TENM3: variants seen among roughly 807,000 people sequenced by gnomAD.
TENM3 encodes the protein teneurin-3.
TENM3 carries 63 observed loss-of-function variants against 255.1 expected under a neutral mutation model. The observed-to-expected ratio is 0.25, with a 90% CI of 0.20 to 0.30. The LOEUF is 0.30. TENM3 is among the 10% of genes least tolerant of loss of function. The probability of loss-of-function intolerance (pLI) is 1.00; values close to 1 mark genes in which losing one functional copy is unlikely to be tolerated. For synonymous variants in TENM3, 1,306 were observed against 1,322.3 expected (o/e 0.99, Z 0.27); for missense variants, 2,929 against 3,461.1 (o/e 0.85, Z 3.86).
chr4:181,631,482 G>A, the TENM3 span, among the ~76,000 whole-genome samples: 1 of 152,024 alleles, frequency 6.6e-6, no homozygotes, highest in African/African-American at 2.4e-5. Context: ...AGTAGAGGCA[G>A]GGTTTCACCA....
the TENM3 span, among the ~76,000 whole-genome samples, chr4:181,934,913 G>A: frequency 1.3e-5 from 2 of 152,112 alleles, no homozygotes; most frequent in African/African-American, 4.8e-5. Flanking sequence ...AAGTTGATAT[G>A]ATGCTAGCTT....
chr4:182,177,862 A>AT (rs1304034067), intron 1 of TENM3, among the ~76,000 whole-genome samples: 6 of 151,774 alleles, frequency 4.0e-5, no homozygotes, highest in Admixed American at 6.6e-5. Flanking sequence ...ATGAGACAAC[A>AT]TTTAAATGAT....
At chr4:182,673,855 A>C (rs569408352) in intron 7 of TENM3, among the ~76,000 whole-genome samples, 51 of 152,352 alleles carry the variant, frequency 3.3e-4, no homozygotes, top group African/African-American at 1.1e-3. Context: ...TCCCTTGCAT[A>C]AAAATCCCCT....
the TENM3 span, among the ~76,000 whole-genome samples, chr4:181,710,271 GA>G: frequency 3.1e-4 from 47 of 152,248 alleles, no homozygotes; most frequent in Admixed American, 2.6e-4. Flanking sequence ...TACACAGGAA[GA>G]AAATCAGAAA....
intron 1 of TENM3, among the ~76,000 whole-genome samples, chr4:182,163,814 C>T (rs1751516328): frequency 6.6e-6 from 1 of 152,128 alleles, no homozygotes; most frequent in African/African-American, 2.4e-5. Flanking sequence ...TCAGCAACTG[C>T]CTCTCTACTT....
At chr4:181,767,108 AGG>A in the TENM3 span, among the ~76,000 whole-genome samples, 2 of 135,336 alleles carry the variant, frequency 1.5e-5, no homozygotes, top group African/African-American at 2.8e-5. Context: ...AAAAATTAGC[AGG>A]GCGTGGTGGC....
At chr4:182,671,921 G>C (rs1051441128) in intron 6 of TENM3, among the ~76,000 whole-genome samples, 3 of 151,966 alleles carry the variant, frequency 2.0e-5, no homozygotes, top group Non-Finnish European at 4.4e-5. Flanking sequence ...TCACTGTGTT[G>C]CCCAGGCTGG....
the TENM3 span, among the ~76,000 whole-genome samples, chr4:181,961,975 AC>A: frequency 6.6e-6 from 1 of 152,198 alleles, no homozygotes; most frequent in Non-Finnish European, 1.5e-5. Context: ...TTACACTAAG[AC>A]CCAAAACAGG....
At chr4:182,206,321 C>A (rs1754576229) in intron 1 of TENM3, among the ~76,000 whole-genome samples, 1 of 152,150 alleles carries the variant, frequency 6.6e-6, no homozygotes, top group African/African-American at 2.4e-5. Context: ...CCCCACAGAG[C>A]CTCAGGATTG....
At chr4:181,551,741 T>A in the TENM3 span, among the ~76,000 whole-genome samples, 1 of 151,886 alleles carries the variant, frequency 6.6e-6, no homozygotes, top group Non-Finnish European at 1.5e-5. Flanking sequence ...ATGTCTAAAC[T>A]TTCTTTGAAC....
chr4:181,601,437 C>T, the TENM3 span, among the ~76,000 whole-genome samples: 472 of 152,266 alleles, frequency 3.1e-3, no homozygotes, highest in Middle Eastern at 6.8e-3. Context: ...CTTCTGAGGC[C>T]TCTCTCCTTG....
chr4:182,713,354 T>A (rs1758902253), intron 12 of TENM3, among the ~76,000 whole-genome samples: 1 of 152,202 alleles, frequency 6.6e-6, no homozygotes, highest in African/African-American at 2.4e-5. Flanking sequence ...TACATTTAGT[T>A]GGAAATCCTG....
chr4:181,449,013 GATTGAAAGCAGAA>G, the TENM3 span, among the ~76,000 whole-genome samples: 1 of 152,132 alleles, frequency 6.6e-6, no homozygotes, highest in South Asian at 2.1e-4. Context: ...TACTGGCAGA[GATTGAAAGCAGAA>G]ATTCTATAGA....
intron 3 of TENM3, among the ~76,000 whole-genome samples, chr4:182,543,798 A>T (rs1200406257): frequency 6.6e-6 from 1 of 152,058 alleles, no homozygotes. Flanking sequence ...CTCTATTTTA[A>T]GTGCTTTACA....
the TENM3 span, among the ~76,000 whole-genome samples, chr4:181,715,054 G>A: frequency 6.6e-6 from 1 of 152,104 alleles, no homozygotes; most frequent in Non-Finnish European, 1.5e-5. Context: ...AAGAACTGAG[G>A]GTTACCAATA....
intron 22 of TENM3, among the ~76,000 whole-genome samples, chr4:182,755,925 G>A (rs772769822): frequency 6.6e-6 from 1 of 152,190 alleles, no homozygotes; most frequent in Non-Finnish European, 1.5e-5. Context: ...GAAGGGACTC[G>A]TGTAAGGGAG....
the TENM3 span, among the ~76,000 whole-genome samples, chr4:182,058,294 G>C: frequency 6.6e-6 from 1 of 151,888 alleles, no homozygotes; most frequent in Non-Finnish European, 1.5e-5. Flanking sequence ...TTGCATAGGA[G>C]AATCAAGAGA....
At chr4:182,591,003 C>T (rs758573786) in intron 3 of TENM3, among the ~76,000 whole-genome samples, 2 of 152,102 alleles carry the variant, frequency 1.3e-5, no homozygotes, top group Non-Finnish European at 2.9e-5. Flanking sequence ...GTCAATTAAC[C>T]CAAAGTGTAA....
chr4:182,305,361 T>A (rs548749650), intron 1 of TENM3, among the ~76,000 whole-genome samples: 1 of 152,344 alleles, frequency 6.6e-6, no homozygotes, highest in Non-Finnish European at 1.5e-5. Context: ...GGATGTGGCT[T>A]TTCAATGTTG....
Sources: allele counts gnomAD v4.1 joint callset (sites outside exome capture counted in the v4.1 genomes callset), GRCh38; gene constraint gnomAD v4.1.1; transcripts MANE v1.5; gene names NCBI Gene and HGNC (gene_info 2026-07-23, HGNC 2026-07-21).